Variants in PPP2R2B observed in about 807,000 individuals in gnomAD.
The protein encoded by PPP2R2B is serine/threonine-protein phosphatase 2A 55 kDa regulatory subunit B beta isoform.
Under a neutral mutation model 46.0 loss-of-function variants are expected in PPP2R2B, and 5 were observed. That is an observed-to-expected ratio of 0.11 (90% CI 0.06 to 0.23). The LOEUF is 0.23. Ranked by LOEUF, PPP2R2B falls within the 10% of genes least tolerant of loss-of-function variation. The probability of loss-of-function intolerance (pLI) is 1.00; values close to 1 mark genes in which losing one functional copy is unlikely to be tolerated. For missense variants in PPP2R2B, 367 were observed against 575.0 expected, an observed-to-expected ratio of 0.64 and a Z score of 3.70; for synonymous variants, 215 against 206.7, an observed-to-expected ratio of 1.04 and a Z score of -0.34.
intron 6 of PPP2R2B, among the ~76,000 whole-genome samples, chr5:146,644,318 CT>C (rs1375158573): frequency 1.5e-4 from 15 of 100,246 alleles, no homozygotes; most frequent in Non-Finnish European, 2.2e-4. Context: ...TTGGCTTTGG[CT>C]TTTAAAATTT....
At chr5:147,073,435 A>T (rs898357403) in intron 2 of PPP2R2B, among the ~76,000 whole-genome samples, 1 of 151,980 alleles carries the variant, frequency 6.6e-6, no homozygotes, top group Non-Finnish European at 1.5e-5. Flanking sequence ...AATCACTCCA[A>T]TTTTTCTTCT....
chr5:147,073,491 CCT>C (rs1192431009), intron 2 of PPP2R2B, among the ~76,000 whole-genome samples: 1 of 152,146 alleles, frequency 6.6e-6, no homozygotes, highest in African/African-American at 2.4e-5. Flanking sequence ...AGGAAATCCC[CCT>C]GTAGCCTACT....
At position 146,707,327 on chromosome 5, in the gene PPP2R2B, T is replaced by C. The variant is rs920774176; in HGVS notation, c.71-6185A>G. The C allele has an allele frequency of 6.0e-6, 6 of 1,006,370 alleles. No homozygotes were observed. In the African/African-American group the frequency reaches 7.9e-5, roughly 13 times the overall value. The allele number at this position is 1,006,370 out of a possible 1,614,324, so 62.3% of individuals were successfully genotyped here. A position where few individuals can be genotyped will look rare whatever the true frequency, so the allele number is the denominator to read the frequency against. On this transcript the variant is annotated intron_variant, in intron 2 of 9. Transcript: ENST00000394411. Reference sequence around the variant, plus strand: ...GAGGCAAACTTGTTGTTGAAGGTCTTGATCTGCTCCTTCTCCTGGGTGCAC... The same window carrying C: ...GAGGCAAACTTGTTGTTGAAGGTCTCGATCTGCTCCTTCTCCTGGGTGCAC...
At chr5:146,766,246 A>G (rs1754468624) in intron 2 of PPP2R2B, among the ~76,000 whole-genome samples, 1 of 152,212 alleles carries the variant, frequency 6.6e-6, no homozygotes, top group South Asian at 2.1e-4. Flanking sequence ...AAAGAATCAA[A>G]TTCCATTCTT....
At chr5:146,749,877 C>T (rs112292020) in intron 2 of PPP2R2B, among the ~76,000 whole-genome samples, 13,786 of 152,080 alleles carry the variant, frequency 0.091, 1,088 homozygotes, top group East Asian at 0.45. Context: ...GGATTACAGG[C>T]GTGAGCCACT....
chr5:147,037,720 G>A (rs917451164), intron 1 of PPP2R2B, among the ~76,000 whole-genome samples: 1 of 152,098 alleles, frequency 6.6e-6, no homozygotes, highest in African/African-American at 2.4e-5. Context: ...CAGACTGGGA[G>A]CAGCATTTCC....
intron 1 of PPP2R2B, among the ~76,000 whole-genome samples, chr5:146,920,957 A>T (rs956909026): frequency 1.3e-5 from 2 of 152,244 alleles, no homozygotes; most frequent in Non-Finnish European, 2.9e-5. Flanking sequence ...AAATGTGTTA[A>T]GTAAGTACAT....
At position 146,871,770 on chromosome 5, in the gene PPP2R2B, C is replaced by T. The variant is rs142092546; in HGVS notation, c.70+6232G>A. Among the ~76,000 whole-genome samples, 271 of 152,326 alleles carry T rather than the reference C, an allele frequency of 1.8e-3. 1 individual carries two copies. The highest frequency in any genetic ancestry group is 2.9e-3 in the Non-Finnish European group (199 of 68,032). ...AAAGAACATGTGCCAAGAATCCACA[C>T]AGTCATGAGCTCTAATCTGGTTATG... On this transcript the variant is annotated intron_variant, in intron 2 of 9. Transcript: ENST00000394411.
chr5:146,591,218 G>A lies in PPP2R2B; in HGVS notation c.1053-992C>T, dbSNP rs184571885. Among the ~76,000 whole-genome samples, 233 of 152,256 alleles carry A rather than the reference G, an allele frequency of 1.5e-3. 1 individual carries two copies. The highest frequency in any genetic ancestry group is 5.1e-3 in the African/African-American group (212 of 41,554). Reference sequence around the variant, plus strand: ...TTAAGATGGGAGAGCAGGAACTCTCGTGTATTTCTCAAATGATTTGGGATG... The same window carrying A: ...TTAAGATGGGAGAGCAGGAACTCTCATGTATTTCTCAAATGATTTGGGATG... On this transcript the variant is annotated intron_variant, in intron 9 of 9. Transcript: ENST00000394411.
intron 2 of PPP2R2B, among the ~76,000 whole-genome samples, chr5:147,072,201 CTT>C (rs34480164): frequency 0.045 from 6,778 of 152,222 alleles, 195 homozygotes; most frequent in Non-Finnish European, 0.062. Context: ...TCTAAACTAA[CTT>C]TTTGTCTGCA....
At chr5:146,695,856 G>A (rs545689412) in intron 4 of PPP2R2B, among the ~76,000 whole-genome samples, 1 of 151,658 alleles carries the variant, frequency 6.6e-6, no homozygotes, top group African/African-American at 2.4e-5. Context: ...GGCCTAAGGG[G>A]GATTCTCAAC....
At chr5:146,727,735 G>A (rs1440087938) in intron 2 of PPP2R2B, among the ~76,000 whole-genome samples, 2 of 152,076 alleles carry the variant, frequency 1.3e-5, no homozygotes, top group African/African-American at 4.8e-5. Context: ...GCAATGTTGA[G>A]ATATATAATA....
At chr5:146,636,518 T>C (rs577910867) in intron 7 of PPP2R2B, among the ~76,000 whole-genome samples, 3 of 152,322 alleles carry the variant, frequency 2.0e-5, no homozygotes, top group East Asian at 3.9e-4. Flanking sequence ...ATGGGCTGTT[T>C]TGCCTTTGCT....
intron 2 of PPP2R2B, among the ~76,000 whole-genome samples, chr5:146,799,394 G>C (rs1297589879): frequency 6.6e-6 from 1 of 152,212 alleles, no homozygotes; most frequent in Non-Finnish European, 1.5e-5. Flanking sequence ...GTCAGTAAAA[G>C]AGGTGTGAAA....
At chr5:146,828,845 A>T (rs149244573) in intron 2 of PPP2R2B, among the ~76,000 whole-genome samples, 239 of 152,368 alleles carry the variant, frequency 1.6e-3, no homozygotes, top group African/African-American at 5.7e-3. Flanking sequence ...TATAAAACCA[A>T]AAACATCCAG....
intron 1 of PPP2R2B, among the ~76,000 whole-genome samples, chr5:146,959,644 T>G (rs900230062): frequency 4.6e-5 from 7 of 152,118 alleles, no homozygotes; most frequent in Non-Finnish European, 1.0e-4. Context: ...TGGAAAGGTT[T>G]CTGGGTCCTT....
chr5:146,879,559 G>A (rs903647759), upstream of PPP2R2B, among the ~76,000 whole-genome samples: 1 of 152,114 alleles, frequency 6.6e-6, no homozygotes. Context: ...AGAGCCCTGT[G>A]CCCACAGAGA....
At chr5:146,717,006 A>G (rs1442789809) in intron 2 of PPP2R2B, among the ~76,000 whole-genome samples, 1 of 152,224 alleles carries the variant, frequency 6.6e-6, no homozygotes, top group Non-Finnish European at 1.5e-5. Flanking sequence ...ACATGACATA[A>G]ATGGTTCACA....
intron 1 of PPP2R2B, among the ~76,000 whole-genome samples, chr5:147,040,485 G>A (rs1006357804): frequency 1.3e-5 from 2 of 152,144 alleles, no homozygotes; most frequent in African/African-American, 4.8e-5. Context: ...CAGTTAGACA[G>A]GGACAAATGC....
Sources: gnomAD v4.1 joint callset for allele counts (sites outside exome capture counted in the v4.1 genomes callset) on GRCh38, gnomAD v4.1.1 for gene constraint, MANE v1.5 for transcripts, NCBI Gene and HGNC (gene_info 2026-07-23, HGNC 2026-07-21) for gene names.